The following SPOCK3 variants were observed in gnomAD, a reference collection of about 807,000 sequenced individuals.
SPOCK3 encodes the protein SPARC (osteonectin), cwcv and kazal like domains proteoglycan 3, also known as testican-3.
A neutral mutation model predicts 56.6 loss-of-function variants in SPOCK3; 30 were observed. That is an observed-to-expected ratio of 0.53 (90% CI 0.40 to 0.72). The LOEUF (loss-of-function observed/expected upper bound fraction) is 0.72, where lower values mean the gene tolerates loss of function less well. SPOCK3 is among the 30% of genes least tolerant of loss of function. The pLI, the probability that SPOCK3 is intolerant of heterozygous loss-of-function variation, is 0.00. For synonymous variants in SPOCK3, 196 were observed against 183.3 expected (o/e 1.07, Z -0.56); for missense variants, 527 against 530.0 (o/e 0.99, Z 0.06).
intron 6 of SPOCK3, among the ~76,000 whole-genome samples, chr4:166,875,511 T>C (rs1732981995): frequency 6.6e-6 from 1 of 152,190 alleles, no homozygotes; most frequent in Non-Finnish European, 1.5e-5. Flanking sequence ...TACCATACTA[T>C]TTAACAATTC....
intron 7 of SPOCK3, among the ~76,000 whole-genome samples, chr4:166,761,920 AAAG>A (rs1737286108): frequency 1.4e-4 from 1 of 7,000 alleles, no homozygotes; most frequent in Admixed American, 1.2e-3. Context: ...AAAAAAAAAA[AAAG>A]AGATTTGGGG....
intron 2 of SPOCK3, among the ~76,000 whole-genome samples, chr4:167,069,501 C>T (rs936850659): frequency 6.6e-6 from 1 of 151,870 alleles, no homozygotes; most frequent in African/African-American, 2.4e-5. Context: ...GGTTTTAAGC[C>T]ACTACATTTT....
chr4:166,894,477 T>C (rs1735144892), intron 5 of SPOCK3, among the ~76,000 whole-genome samples: 1 of 152,114 alleles, frequency 6.6e-6, no homozygotes, highest in Non-Finnish European at 1.5e-5. Context: ...TCTCTAAGGC[T>C]CACAGATATA....
intron 2 of SPOCK3, among the ~76,000 whole-genome samples, chr4:167,202,520 C>T (rs1733615499): frequency 6.6e-6 from 1 of 151,916 alleles, no homozygotes. Context: ...GGGATTACCA[C>T]ATGCATCCTA....
chr4:167,060,154 T>C (rs1443972985), intron 3 of SPOCK3, among the ~76,000 whole-genome samples: 1 of 150,566 alleles, frequency 6.6e-6, no homozygotes, highest in African/African-American at 2.4e-5. Context: ...AGTATAATAA[T>C]AATAAAATAA....
At chr4:167,003,828 A>G (rs1453667661) in intron 3 of SPOCK3, among the ~76,000 whole-genome samples, 81 of 152,180 alleles carry the variant, frequency 5.3e-4, no homozygotes, top group Non-Finnish European at 5.9e-5. Context: ...CACCATCTGT[A>G]TTTTAAACAA....
At chr4:167,018,416 A>T (rs1275410991) in intron 3 of SPOCK3, among the ~76,000 whole-genome samples, 1 of 152,014 alleles carries the variant, frequency 6.6e-6, no homozygotes, top group African/African-American at 2.4e-5. Flanking sequence ...CTGGAGTGGG[A>T]TGAGGAAAAT....
intron 4 of SPOCK3, among the ~76,000 whole-genome samples, chr4:166,953,074 A>G (rs1456310413): frequency 1.3e-5 from 2 of 151,936 alleles, no homozygotes; most frequent in African/African-American, 4.8e-5. Flanking sequence ...AAAAGCCAAA[A>G]TTGACAAATG....
intron 2 of SPOCK3, among the ~76,000 whole-genome samples, chr4:167,210,515 T>C (rs1425117277): frequency 6.6e-6 from 1 of 152,186 alleles, no homozygotes; most frequent in Non-Finnish European, 1.5e-5. Context: ...AGAGGTCTTT[T>C]CCTCTTTACT....
At chr4:166,928,901 G>C (rs189663904) in intron 4 of SPOCK3, among the ~76,000 whole-genome samples, 1 of 152,282 alleles carries the variant, frequency 6.6e-6, no homozygotes, top group Non-Finnish European at 1.5e-5. Context: ...TCAGGAGGCA[G>C]AGTTTGTAGT....
intron 2 of SPOCK3, among the ~76,000 whole-genome samples, chr4:167,118,055 C>T (rs1761576473): frequency 6.6e-6 from 1 of 152,082 alleles, no homozygotes; most frequent in Admixed American, 6.6e-5. Context: ...AGCATGAGAT[C>T]CTTTTGGTCA....
chr4:167,184,389 C>A (rs1731772861), intron 2 of SPOCK3, among the ~76,000 whole-genome samples: 1 of 152,094 alleles, frequency 6.6e-6, no homozygotes, highest in Non-Finnish European at 1.5e-5. Context: ...CATTCTTTCC[C>A]ATGATAATTG....
At chr4:167,143,682 C>T (rs994035887) in intron 2 of SPOCK3, among the ~76,000 whole-genome samples, 3 of 151,852 alleles carry the variant, frequency 2.0e-5, no homozygotes, top group Non-Finnish European at 2.9e-5. Flanking sequence ...ACAAAAAATA[C>T]GGTTTAAAAA....
At chr4:167,043,776 G>A (rs892440398) in intron 3 of SPOCK3, among the ~76,000 whole-genome samples, 1 of 151,776 alleles carries the variant, frequency 6.6e-6, no homozygotes, top group African/African-American at 2.4e-5. Flanking sequence ...TTGCATTCCC[G>A]AGATAAACCT....
intron 4 of SPOCK3, among the ~76,000 whole-genome samples, chr4:166,995,812 A>T (rs910639278): frequency 6.6e-6 from 1 of 152,150 alleles, no homozygotes; most frequent in Non-Finnish European, 1.5e-5. Context: ...TAATACAGTC[A>T]TATTCCATAG....
At chr4:167,112,366 GT>G (rs1760976921) in intron 2 of SPOCK3, among the ~76,000 whole-genome samples, 1 of 152,072 alleles carries the variant, frequency 6.6e-6, no homozygotes, top group Non-Finnish European at 1.5e-5. Flanking sequence ...TGCTTAAATA[GT>G]GTATTAAAGC....
At chr4:167,143,229 C>T (rs1763675978) in intron 2 of SPOCK3, among the ~76,000 whole-genome samples, 1 of 151,986 alleles carries the variant, frequency 6.6e-6, no homozygotes, top group African/African-American at 2.4e-5. Flanking sequence ...ATCCCTCCCA[C>T]ATTCCTACTG....
intron 2 of SPOCK3, among the ~76,000 whole-genome samples, chr4:167,083,918 C>T (rs1287159721): frequency 2.6e-5 from 4 of 152,006 alleles, no homozygotes; most frequent in African/African-American, 9.7e-5. Context: ...GGTACATCGC[C>T]TGGGTAGGCT....
intron 2 of SPOCK3, among the ~76,000 whole-genome samples, chr4:167,100,891 G>A (rs951347062): frequency 6.6e-6 from 1 of 151,946 alleles, no homozygotes; most frequent in African/African-American, 2.4e-5. Context: ...TCTTATGTTT[G>A]CATAATGAGT....
Sources: allele counts gnomAD v4.1 joint callset (sites outside exome capture counted in the v4.1 genomes callset), GRCh38; gene constraint gnomAD v4.1.1; transcripts MANE v1.5; gene names NCBI Gene and HGNC (gene_info 2026-07-23, HGNC 2026-07-21).